The following LRCOL1 variants were observed in gnomAD, a reference collection of about 807,000 sequenced individuals.
The protein encoded by LRCOL1 is leucine-rich colipase-like protein 1.
Under a neutral mutation model 21.6 loss-of-function variants are expected in LRCOL1, and 21 were observed. The observed-to-expected ratio is 0.97, with a 90% CI of 0.69 to 1.40. The LOEUF (loss-of-function observed/expected upper bound fraction) is 1.40, where lower values mean the gene tolerates loss of function less well. Ranked by LOEUF, LRCOL1 falls within the 40% of genes most tolerant of loss-of-function variation. The probability of loss-of-function intolerance (pLI) is 0.00; values close to 1 mark genes in which losing one functional copy is unlikely to be tolerated. For synonymous variants in LRCOL1, 98 were observed against 90.1 expected (o/e 1.09, Z -0.49); for missense variants, 198 against 202.3 (o/e 0.98, Z 0.13).
At chr12:132,603,558 C>T (rs191639221) in intron 5 of LRCOL1, 154 bp from the exon 6 acceptor site, 86 of 985,268 alleles carry the variant, frequency 8.7e-5, no homozygotes, top group Non-Finnish European at 9.9e-5. Flanking sequence ...GCTCAGCTCG[C>T]GAGAGGGACG....
Position 132,604,732 on chromosome 12 carries a change from A to G in LRCOL1, c.205T>C (p.Phe69Leu). The change falls in exon 3 of 6, where the codon TTC (phenylalanine) becomes CTC (leucine). Residue 69 changes from phenylalanine to leucine, a missense_variant. Transcript: ENST00000376608. ...TTCCTCCAGGGCAGGCACTGCAGGA[A>G]GATGGTCTTAGGGGTGCAGAGCGTG... ...PHTLCTPKTIFLQCLPWRKPN... is the reference protein window; with the variant it reads ...PHTLCTPKTILLQCLPWRKPN... 1.3e-6 allele frequency: 2 copies of G among 1,536,184 alleles called. No homozygotes were observed. Among genetic ancestry groups the G allele is most frequent in the African/African-American group, 1.4e-5 (1 of 73,164 alleles).
chr12:132,604,403 T>G (rs1170265474), intron 4 of LRCOL1, 27 bp from the exon 5 acceptor site: 1 of 1,534,322 alleles, frequency 6.5e-7, no homozygotes, highest in Non-Finnish European at 8.7e-7. Context: ...GCAGCAGTCG[T>G]GGAGAGGGGC....
intron 3 of LRCOL1, 46 bp from the exon 4 acceptor site, chr12:132,604,630 CT>C: frequency 6.6e-7 from 1 of 1,526,406 alleles, no homozygotes; most frequent in Non-Finnish European, 8.8e-7. Context: ...CATCCACTCC[CT>C]GGCTCTTCAG....
chr12:132,605,876 C>T (rs75184520), intron 2 of LRCOL1: 85,239 of 480,556 alleles, frequency 0.18, 8,748 homozygotes, highest in African/African-American at 0.33. Context: ...TGACGGTGGC[C>T]GTGGTGGCCC....
chr12:132,605,226 C>T (rs970268392), intron 2 of LRCOL1: 5 of 732,554 alleles, frequency 6.8e-6, no homozygotes, highest in Non-Finnish European at 6.7e-6. Context: ...AGGCCTCCCC[C>T]CTGCACCACG....
At chr12:132,603,511 G>A (rs552670819) in intron 5 of LRCOL1, 107 bp from the exon 6 acceptor site, 12 of 1,533,706 alleles carry the variant, frequency 7.8e-6, no homozygotes, top group East Asian at 4.9e-5. Context: ...CACCAGCCTC[G>A]TGGGGGTCGG....
chr12:132,604,879 G>A (rs1348946931), intron 2 of LRCOL1, 48 bp from the exon 3 acceptor site: 2 of 1,529,142 alleles, frequency 1.3e-6, no homozygotes, highest in Non-Finnish European at 1.8e-6. Flanking sequence ...GGCAGGGCCT[G>A]CAGACTCAGC....
intron 1 of LRCOL1, among the ~76,000 whole-genome samples, chr12:132,608,407 A>G (rs1035949037): frequency 6.6e-6 from 1 of 152,264 alleles, no homozygotes; most frequent in African/African-American, 2.4e-5. Flanking sequence ...CCTCCCTCAC[A>G]GGAAGTCAAA....
At position 132,603,156 on chromosome 12, in the gene LRCOL1, C is replaced by T. The variant is rs1194488198; in HGVS notation, c.*246G>A. On this transcript the variant is annotated 3_prime_UTR_variant, in exon 6 of 6. Transcript: ENST00000376608. ...AAGGGGTGAGACACGGCTGCTCAGT[C>T]GGCCAGGAGCCTTTATTGATGTTTA... The T allele has an allele frequency of 8.3e-6, 4 of 483,656 alleles. No individual in the cohort carries two copies. Among genetic ancestry groups the T allele is most frequent in the South Asian group, 4.2e-5 (1 of 23,630 alleles). 30.0% of individuals were successfully genotyped at this position (483,656 alleles called of 1,614,324 possible). A position where few individuals can be genotyped will look rare whatever the true frequency, so the allele number is the denominator to read the frequency against.
rs751877845 is a variant in LRCOL1, at chr12:132,606,152, G to A, written c.100C>T (p.His34Tyr). The A allele has an allele frequency of 6.5e-7, 1 of 1,536,300 alleles. No individual in the cohort carries two copies. The highest frequency in any genetic ancestry group is 1.2e-5 in the South Asian group (1 of 84,066). Reference protein sequence around the residue: ...YGPQKKLNLSHKGIGEPCRRH... With the variant: ...YGPQKKLNLSYKGIGEPCRRH... Reference sequence around the variant, plus strand: ...CAGGGGTGCCCGGCACCCACCTTATGGGACAGGTTCAACTTCTTCTGTGGC... The same window carrying A: ...CAGGGGTGCCCGGCACCCACCTTATAGGACAGGTTCAACTTCTTCTGTGGC... The change falls in exon 2 of 6, where the codon CAT (histidine) becomes TAT (tyrosine). Residue 34 changes from histidine to tyrosine, a missense_variant. Physicochemically the swap from His to Tyr is moderately conservative, Grantham distance 83. Transcript: ENST00000376608. The surrounding 1 kb of genome is among the most constrained non-coding windows in gnomAD (Gnocchi z 4.6).
chr12:132,603,187 C>G lies in LRCOL1; in HGVS notation c.*215G>C, dbSNP rs2041246610. The stretch of plus-strand genomic sequence containing the variant: ...GGAGCCTTTATTGATGTTTAACAAT[C>G]AGGCTACACCCCAGTGCCTGGGATT... On this transcript the variant is annotated 3_prime_UTR_variant, in exon 6 of 6. Coordinates refer to ENST00000376608, the MANE Select transcript of LRCOL1 (RefSeq NM_001195520.2). 7.7e-5 allele frequency: 44 copies of G among 568,924 alleles called. No individual in the cohort carries two copies. The South Asian group carries it at 1.3e-3, about 17-fold the overall frequency. The allele number at this position is 568,924 out of a possible 1,614,324, so 35.2% of individuals were successfully genotyped here.
At chr12:132,609,225 CA>C (rs1219263800) in intron 1 of LRCOL1, among the ~76,000 whole-genome samples, 2 of 152,168 alleles carry the variant, frequency 1.3e-5, no homozygotes, top group East Asian at 3.9e-4. Flanking sequence ...GTGAGGTCTC[CA>C]GAGTCGTCAA....
intron 1 of LRCOL1, among the ~76,000 whole-genome samples, chr12:132,608,943 C>T (rs552171532): frequency 6.6e-6 from 1 of 152,322 alleles, no homozygotes; most frequent in East Asian, 1.9e-4. Context: ...CCCTGCTCAG[C>T]CCAGGAACAG....
chr12:132,609,453 C>T (rs531633037), intron 1 of LRCOL1, among the ~76,000 whole-genome samples: 1 of 152,318 alleles, frequency 6.6e-6, no homozygotes, highest in Admixed American at 6.5e-5. Flanking sequence ...AATCCCAGCA[C>T]TTTGGGAGGC....
rs1393966047 is a variant in LRCOL1 at position 132,605,206 on chromosome 12, G to A, written c.106-375C>T. 3 of 898,334 alleles carry A rather than the reference G, an allele frequency of 3.3e-6. No individual in the cohort carries two copies. The African/African-American group carries it at 5.4e-5, about 16-fold the overall frequency. The allele number at this position is 898,334 out of a possible 1,614,324, so 55.6% of individuals were successfully genotyped here. A position where few individuals can be genotyped will look rare whatever the true frequency, so the allele number is the denominator to read the frequency against. The stretch of plus-strand genomic sequence containing the variant: ...AGGATTGCACAGCTGGCAGAGGTGA[G>A]CTGAGAGCCAGGCCTCCCCCCTGCA... On this transcript the variant is annotated intron_variant, in intron 2 of 5. Transcript: ENST00000376608.
chr12:132,608,980 G>T (rs1394606624), intron 1 of LRCOL1, among the ~76,000 whole-genome samples: 7 of 152,198 alleles, frequency 4.6e-5, no homozygotes, highest in African/African-American at 1.4e-4. Context: ...GGAAAGTCCG[G>T]TGTCTAACAG....
At chr12:132,609,516 G>C (rs968399836) in intron 1 of LRCOL1, among the ~76,000 whole-genome samples, 1 of 152,188 alleles carries the variant, frequency 6.6e-6, no homozygotes, top group Non-Finnish European at 1.5e-5. Context: ...TGACCAACAT[G>C]GTGAAACCCT....
chr12:132,608,997 G>A (rs1271854716), intron 1 of LRCOL1, among the ~76,000 whole-genome samples: 1 of 152,208 alleles, frequency 6.6e-6, no homozygotes, highest in African/African-American at 2.4e-5. Flanking sequence ...ACAGGTCACA[G>A]GTCACACCGT....
At chr12:132,605,906 G>T in intron 2 of LRCOL1, 1 of 533,360 alleles carries the variant, frequency 1.9e-6, no homozygotes, top group East Asian at 3.2e-5. Context: ...TCCTGGTGCT[G>T]GGGTCGCCGT....
Sources: gnomAD v4.1 joint callset for allele counts (sites outside exome capture counted in the v4.1 genomes callset) on GRCh38, gnomAD v4.1.1 for gene constraint, Gnocchi (gnomAD v3.1) non-coding constraint, MANE v1.5 for transcripts, NCBI Gene and HGNC (gene_info 2026-07-23, HGNC 2026-07-21) for gene names.